The following AGBL1 variants were observed in gnomAD, a reference collection of about 807,000 sequenced individuals.
AGBL1 encodes the protein cytosolic carboxypeptidase 4.
AGBL1 carries 130 observed loss-of-function variants against 118.9 expected under a neutral mutation model. The ratio of observed to expected loss-of-function variants is 1.09; its 90% CI spans 0.95 to 1.26. The LOEUF (loss-of-function observed/expected upper bound fraction) is 1.26. Ranked by LOEUF, AGBL1 falls within the 50% of genes most tolerant of loss-of-function variation. AGBL1 has a pLI of 0.00. For synonymous variants in AGBL1, 555 were observed against 478.9 expected (o/e 1.16, Z -2.08); for missense variants, 1,584 against 1,298.1 (o/e 1.22, Z -3.38).
intron 5 of AGBL1, among the ~76,000 whole-genome samples, chr15:86,219,199 A>T (rs1597574833): frequency 1.3e-5 from 2 of 152,184 alleles, no homozygotes; most frequent in Admixed American, 1.3e-4. Context: ...CACTGCCTGC[A>T]AACACATATA....
chr15:86,149,923 CTG>C (rs1436197678), intron 3 of AGBL1, among the ~76,000 whole-genome samples: 1 of 152,182 alleles, frequency 6.6e-6, no homozygotes, highest in Non-Finnish European at 1.5e-5. Flanking sequence ...TCACAACAAA[CTG>C]TCTCTCAGAC....
intron 17 of AGBL1, among the ~76,000 whole-genome samples, chr15:86,329,521 C>T (rs184910999): frequency 6.6e-6 from 1 of 152,178 alleles, no homozygotes; most frequent in Non-Finnish European, 1.5e-5. Context: ...GTGCAAAGAT[C>T]CTAGTGTAGC....
At chr15:86,532,811 C>T (rs201664937) in intron 19 of AGBL1, among the ~76,000 whole-genome samples, 13,436 of 65,828 alleles carry the variant, frequency 0.2, 1,188 homozygotes, top group East Asian at 0.34. Context: ...ACGCCGCTTA[C>T]CTACAACTAT....
At chr15:86,157,086 G>A (rs1383425973) in intron 4 of AGBL1, among the ~76,000 whole-genome samples, 5 of 151,982 alleles carry the variant, frequency 3.3e-5, no homozygotes, top group African/African-American at 1.2e-4. Context: ...CACTGTGCCT[G>A]GCCACAATAA....
At chr15:86,249,545 C>G (rs7163459) in intron 7 of AGBL1, among the ~76,000 whole-genome samples, 96,320 of 151,398 alleles carry the variant, frequency 0.64, 31,779 homozygotes, top group African/African-American at 0.82. Context: ...TATTTCTCGA[C>G]ATGAAGCAGG....
intron 17 of AGBL1, among the ~76,000 whole-genome samples, chr15:86,346,266 G>A (rs1230748166): frequency 6.6e-6 from 1 of 151,078 alleles, no homozygotes; most frequent in Non-Finnish European, 1.5e-5. Context: ...TAAGGCACGA[G>A]CCACTGTGCC....
At chr15:86,459,782 A>T (rs2082307678) in intron 18 of AGBL1, among the ~76,000 whole-genome samples, 1 of 152,098 alleles carries the variant, frequency 6.6e-6, no homozygotes, top group Admixed American at 6.6e-5. Flanking sequence ...CTCAAGTCCT[A>T]CCGCATTCTG....
chr15:86,574,761 A>G (rs940748748), intron 21 of AGBL1, among the ~76,000 whole-genome samples: 4 of 151,246 alleles, frequency 2.6e-5, no homozygotes, highest in Non-Finnish European at 4.4e-5. Flanking sequence ...TATTTTTAGT[A>G]GAGACGGGGT....
At chr15:86,645,731 T>C (rs2085267035) in intron 21 of AGBL1, among the ~76,000 whole-genome samples, 1 of 152,212 alleles carries the variant, frequency 6.6e-6, no homozygotes, top group African/African-American at 2.4e-5. Context: ...GGAGGTCAAG[T>C]ACTCAGTCCA....
intron 24 of AGBL1, chr15:86,988,108 G>C (rs2141735380): frequency 6.2e-7 from 1 of 1,611,442 alleles, no homozygotes. Flanking sequence ...TCAGTTTCCT[G>C]ATTGTACATT....
intron 23 of AGBL1, among the ~76,000 whole-genome samples, chr15:86,968,888 A>C (rs1247118798): frequency 6.6e-6 from 1 of 151,868 alleles, no homozygotes; most frequent in African/African-American, 2.4e-5. Flanking sequence ...TGGAAGAGGC[A>C]AGCAAGCTCC....
intron 18 of AGBL1, among the ~76,000 whole-genome samples, chr15:86,458,143 C>A (rs1265968836): frequency 6.6e-6 from 1 of 152,056 alleles, no homozygotes; most frequent in East Asian, 1.9e-4. Context: ...ATGAGGTCAA[C>A]TACTATGACT....
chr15:86,932,620 C>T (rs950666447), intron 23 of AGBL1, among the ~76,000 whole-genome samples: 3 of 152,152 alleles, frequency 2.0e-5, no homozygotes, highest in African/African-American at 4.8e-5. Context: ...TAGTCAACTC[C>T]GTGAAGCAAG....
chr15:86,184,433 C>CTTTTTTTTTTTT (rs71144032), intron 5 of AGBL1, among the ~76,000 whole-genome samples: 1 of 136,186 alleles, frequency 7.3e-6, no homozygotes. Context: ...TTTTTTCTTT[C>CTTTTTTTTTTTT]TTTTTTTTTT....
chr15:86,295,564 C>A, intron 17 of AGBL1, 156 bp downstream of exon 17: 1 of 655,494 alleles, frequency 1.5e-6, no homozygotes, highest in Non-Finnish European at 2.4e-6. Context: ...TGGTGTGACA[C>A]AAAGGTTAAA....
chr15:86,159,124 G>A, intron 5 of AGBL1, 98 bp downstream of exon 5: 1 of 1,146,354 alleles, frequency 8.7e-7, no homozygotes, highest in East Asian at 2.4e-5. Context: ...GCTCAGTTTA[G>A]TGGTCATTTC....
chr15:87,004,013 G>C (rs1313839816), intron 24 of AGBL1, among the ~76,000 whole-genome samples: 3 of 152,078 alleles, frequency 2.0e-5, no homozygotes, highest in African/African-American at 4.8e-5. Flanking sequence ...GCTAGCTTTT[G>C]AATGTGTTTG....
At chr15:86,976,462 G>T (rs962974889) in intron 23 of AGBL1, among the ~76,000 whole-genome samples, 6 of 151,756 alleles carry the variant, frequency 4.0e-5, no homozygotes, top group South Asian at 2.1e-4. Context: ...AAAGCTTATT[G>T]TTGGCATTTG....
At chr15:86,229,125 G>T (rs1567141174) in intron 6 of AGBL1, among the ~76,000 whole-genome samples, 1 of 152,142 alleles carries the variant, frequency 6.6e-6, no homozygotes, top group South Asian at 2.1e-4. Flanking sequence ...AGGAAATAGT[G>T]CTACTTATTA....
Sources: allele counts gnomAD v4.1 joint callset (sites outside exome capture counted in the v4.1 genomes callset), GRCh38; gene constraint gnomAD v4.1.1; transcripts MANE v1.5; gene names NCBI Gene and HGNC (gene_info 2026-07-23, HGNC 2026-07-21).